Variants in EFHD2 observed in about 807,000 individuals in gnomAD.
The protein encoded by EFHD2 is EF-hand domain-containing protein D2.
In EFHD2, 12 loss-of-function variants were observed where a neutral mutation model predicts 20.3. The ratio of observed to expected loss-of-function variants is 0.59; its 90% CI spans 0.38 to 0.96. The LOEUF (loss-of-function observed/expected upper bound fraction) is 0.96, where lower values mean the gene tolerates loss of function less well. EFHD2 is among the 40% of genes least tolerant of loss of function. EFHD2 has a pLI of 0.00. For missense variants in EFHD2, 250 were observed against 334.3 expected, an observed-to-expected ratio of 0.75 and a Z score of 1.97; for synonymous variants, 131 against 143.9, an observed-to-expected ratio of 0.91 and a Z score of 0.64.
intron 1 of EFHD2, among the ~76,000 whole-genome samples, chr1:15,420,345 T>A (rs1199478613): frequency 6.6e-6 from 1 of 152,092 alleles, no homozygotes; most frequent in African/African-American, 2.4e-5. Flanking sequence ...TTCTTTTTTG[T>A]GTTTGTTTGT....
rs1707934741 is a variant in EFHD2 at position 15,429,659 on chromosome 1, T to A, written c.*935T>A. The A allele has an allele frequency of 6.6e-6, 1 of 152,448 alleles. No individual in the cohort carries two copies. Among genetic ancestry groups the A allele is most frequent in the African/African-American group, 2.4e-5 (1 of 41,402 alleles). 9.4% of individuals were successfully genotyped at this position (152,448 alleles called of 1,614,324 possible). ...GAGAAGTGCTTTAAGTGTGTTTGCA[T>A]GCGCCAGGCGGTGGGCAGCGGGGGC... On this transcript the variant is annotated 3_prime_UTR_variant, in exon 4 of 4. Transcript: ENST00000375980.
Position 15,413,676 on chromosome 1 carries a change from A to C in EFHD2, c.308+3397A>C, listed in dbSNP as rs1361816442. 5.3e-5 allele frequency among the ~76,000 whole-genome samples: 8 copies of C among 152,184 alleles called. No homozygotes were observed. ...AACCCCTCTCCCCATTTGACAGAAGAGGGAACCAAGACCCAGAAAGATGTG... is the reference window on the plus strand; with the variant it reads ...AACCCCTCTCCCCATTTGACAGAAGCGGGAACCAAGACCCAGAAAGATGTG... On this transcript the variant is annotated intron_variant, in intron 1 of 3. Coordinates refer to ENST00000375980, the MANE Select transcript of EFHD2 (RefSeq NM_024329.6). The surrounding 1 kb of genome is among the most constrained non-coding windows in gnomAD (Gnocchi z 4.4).
At chr1:15,423,638 G>A (rs1165799932) in intron 1 of EFHD2, among the ~76,000 whole-genome samples, 3 of 152,318 alleles carry the variant, frequency 2.0e-5, no homozygotes, top group South Asian at 2.1e-4. Context: ...ATTAAGTAAA[G>A]TAAGCAGTTC....
rs1012709774 is a variant in EFHD2, at chr1:15,428,931, C to T, written c.*207C>T. 3.5e-5 allele frequency: 25 copies of T among 710,630 alleles called. No individual in the cohort carries two copies. Among genetic ancestry groups the T allele is most frequent in the East Asian group, 1.3e-4 (4 of 31,582 alleles). The allele number at this position is 710,630 out of a possible 1,614,324, so 44.0% of individuals were successfully genotyped here. ...TCCACTCTGCACGAGGCCGCCACAC[C>T]GGCGCTGGCTCCCTGCCCGGCCCGG... On this transcript the variant is annotated 3_prime_UTR_variant, in exon 4 of 4. Coordinates refer to ENST00000375980, the MANE Select transcript of EFHD2 (RefSeq NM_024329.6).
rs193047011 is a variant in EFHD2, at chr1:15,414,694, G to C, written c.308+4415G>C. Among the ~76,000 whole-genome samples the C allele has an allele frequency of 1.1e-3, 172 of 152,290 alleles. 1 individual carries two copies. The highest frequency in any genetic ancestry group is 4.0e-3 in the African/African-American group (165 of 41,560). The stretch of plus-strand genomic sequence containing the variant: ...GAGCTTCCAGGTCTGCCAGGTTGTC[G>C]ACAACCCTTTGCTTTGGGCCCTAGT... On this transcript the variant is annotated intron_variant, in intron 1 of 3. Transcript: ENST00000375980.
At chr1:15,425,317 G>C (rs1707856443) in intron 1 of EFHD2, among the ~76,000 whole-genome samples, 1 of 152,086 alleles carries the variant, frequency 6.6e-6, no homozygotes. Flanking sequence ...TTGAGGTCAG[G>C]AGTTCAAGAC....
At chr1:15,412,941 G>C (rs1409452779) in intron 1 of EFHD2, among the ~76,000 whole-genome samples, 1 of 152,204 alleles carries the variant, frequency 6.6e-6, no homozygotes, top group Admixed American at 6.5e-5. Flanking sequence ...GGGCAGGCAG[G>C]GGCCAGGAAG....
chr1:15,415,780 G>A (rs1476757906), intron 1 of EFHD2, among the ~76,000 whole-genome samples: 1 of 152,054 alleles, frequency 6.6e-6, no homozygotes, highest in Non-Finnish European at 1.5e-5. Context: ...GAGAGCCACC[G>A]CTCCCAGCCT....
intron 3 of EFHD2, 83 bp downstream of exon 3, chr1:15,427,367 C>T (rs1000637696): frequency 1.6e-5 from 24 of 1,516,906 alleles, no homozygotes; most frequent in South Asian, 2.5e-5. Flanking sequence ...GTCCCCTTCC[C>T]GTCCCTGCTG....
At chr1:15,422,085 A>T (rs796128829) in intron 1 of EFHD2, among the ~76,000 whole-genome samples, 1,386 of 86,488 alleles carry the variant, frequency 0.016, 23 homozygotes, top group African/African-American at 0.052. Flanking sequence ...AGGTCATTCC[A>T]TTTTTTTTTT....
chr1:15,428,267 TGGATCACCTGAGGTCAGGA>T (rs1307719935), intron 3 of EFHD2, among the ~76,000 whole-genome samples: 2 of 151,784 alleles, frequency 1.3e-5, no homozygotes, highest in Non-Finnish European at 2.9e-5. Context: ...CTGAGGCGGG[TGGATCACCTGAGGTCAGGA>T]GTTCGAGATC....
chr1:15,418,597 A>T (rs12028882), intron 1 of EFHD2, among the ~76,000 whole-genome samples: 52,945 of 151,660 alleles, frequency 0.35, 11,047 homozygotes, highest in East Asian at 0.61. Flanking sequence ...GAGCCACGGC[A>T]CCCGGCCGCA....
chr1:15,411,699 GGTCTAGCC>G (rs2103268912), intron 1 of EFHD2, among the ~76,000 whole-genome samples: 1 of 152,302 alleles, frequency 6.6e-6, no homozygotes, highest in South Asian at 2.1e-4. Flanking sequence ...TGAGCCAGGA[GGTCTAGCC>G]CCACCTGGCA....
At chr1:15,417,806 C>T (rs1038723485) in intron 1 of EFHD2, among the ~76,000 whole-genome samples, 6 of 152,108 alleles carry the variant, frequency 3.9e-5, no homozygotes, top group East Asian at 1.9e-4. Context: ...GGGACCTGCA[C>T]GCCCAGAGCG....
intron 3 of EFHD2, among the ~76,000 whole-genome samples, chr1:15,428,201 G>C (rs1334175878): frequency 6.6e-6 from 1 of 152,146 alleles, no homozygotes; most frequent in African/African-American, 2.4e-5. Flanking sequence ...CCCAGGAAAA[G>C]CAGTCATAAG....
At chr1:15,417,536 A>C (rs1462870451) in intron 1 of EFHD2, among the ~76,000 whole-genome samples, 3 of 152,034 alleles carry the variant, frequency 2.0e-5, no homozygotes, top group African/African-American at 7.3e-5. Context: ...CCCAAGCGCC[A>C]CACTTATGTG....
In EFHD2 at chr1:15,429,993, C is replaced by T. The variant is rs778690128; in HGVS notation, c.*1269C>T. ...ATGCAACTTTCAGTGTGTGTCATAACGACGTCACTGCTTTTTAAACTCGAT... is the reference window on the plus strand; with the variant it reads ...ATGCAACTTTCAGTGTGTGTCATAATGACGTCACTGCTTTTTAAACTCGAT... On this transcript the variant is annotated 3_prime_UTR_variant, in exon 4 of 4. Transcript: ENST00000375980. 10 of 152,670 alleles carry T rather than the reference C, an allele frequency of 6.6e-5. No homozygotes were observed. The highest frequency in any genetic ancestry group is 1.7e-4 in the African/African-American group (7 of 41,442). The allele number at this position is 152,670 out of a possible 1,614,324, so 9.5% of individuals were successfully genotyped here. A position where few individuals can be genotyped will look rare whatever the true frequency, so the allele number is the denominator to read the frequency against.
chr1:15,429,756 T>C lies in EFHD2; in HGVS notation c.*1032T>C, dbSNP rs1424936643. The C allele has an allele frequency of 6.6e-6, 1 of 152,322 alleles. No individual in the cohort carries two copies. 9.4% of individuals were successfully genotyped at this position (152,322 alleles called of 1,614,324 possible). On this transcript the variant is annotated 3_prime_UTR_variant, in exon 4 of 4. Coordinates refer to ENST00000375980, the MANE Select transcript of EFHD2 (RefSeq NM_024329.6). ...CTTGTCACCAGCGACCTGCCTGTCA[T>C]GCCCACCCCCTGAGGAAGCATGGGG... is the stretch of plus-strand genomic sequence containing the variant.
chr1:15,426,308 C>G lies in EFHD2; in HGVS notation c.456+290C>G, dbSNP rs183532600. Among the ~76,000 whole-genome samples, 293 of 152,180 alleles carry G rather than the reference C, an allele frequency of 1.9e-3. 1 individual carries two copies. The highest frequency in any genetic ancestry group is 0.01 in the Middle Eastern group (3 of 294). ...CTGTATACTTGACCCTGTGCAGGCT[C>G]TGGGGTAGAGAAAGGCCCTGTGCTC... is the stretch of plus-strand genomic sequence containing the variant. On this transcript the variant is annotated intron_variant, in intron 2 of 3. Transcript: ENST00000375980. This position sits in a 1 kb window ranked among gnomAD's most constrained non-coding sequence, Gnocchi z 4.6.
Sources: allele counts gnomAD v4.1 joint callset (sites outside exome capture counted in the v4.1 genomes callset), GRCh38; gene constraint gnomAD v4.1.1; non-coding constraint Gnocchi (gnomAD v3.1); transcripts MANE v1.5; gene names NCBI Gene and HGNC (gene_info 2026-07-23, HGNC 2026-07-21).